Variants in ADI1 observed in about 807,000 individuals in gnomAD.
The protein encoded by ADI1 is acireductone dioxygenase 1, also known as acireductone dioxygenase.
Under a neutral mutation model 18.7 loss-of-function variants are expected in ADI1, and 21 were observed. That is an observed-to-expected ratio of 1.13 (90% CI 0.80 to 1.62). ADI1 has a LOEUF of 1.62. Among genes scored for constraint, ADI1 ranks in the 40% most tolerant of loss-of-function variants. The probability of loss-of-function intolerance (pLI) is 0.00; values close to 1 mark genes in which losing one functional copy is unlikely to be tolerated. For missense variants in ADI1, 245 were observed against 254.9 expected (o/e 0.96, Z 0.26); for synonymous variants, 90 against 100.1 (o/e 0.90, Z 0.60).
At chr2:3,514,604 A>G (rs1000525016) in intron 1 of ADI1, among the ~76,000 whole-genome samples, 2 of 152,214 alleles carry the variant, frequency 1.3e-5, no homozygotes, top group African/African-American at 2.4e-5. Context: ...ACAGCTTTCT[A>G]TGCCTAAAAT....
chr2:3,503,954 G>C (rs1248896321), intron 2 of ADI1, among the ~76,000 whole-genome samples: 1 of 152,168 alleles, frequency 6.6e-6, no homozygotes, highest in Non-Finnish European at 1.5e-5. Context: ...CCCCGGGTGA[G>C]CGCCACTGCA....
intron 2 of ADI1, among the ~76,000 whole-genome samples, chr2:3,502,773 ATATTATTTTGAC>A (rs1667053924): frequency 6.6e-6 from 1 of 152,286 alleles, no homozygotes; most frequent in East Asian, 1.9e-4. Context: ...ACTCTTGAAC[ATATTATTTTGAC>A]TACATCCTCA....
chr2:3,517,970 T>C (rs1004262278), intron 1 of ADI1, among the ~76,000 whole-genome samples: 2 of 151,848 alleles, frequency 1.3e-5, no homozygotes, highest in African/African-American at 2.4e-5. Flanking sequence ...TCACTCTTGT[T>C]CTTGTTCTTA....
intron 2 of ADI1, among the ~76,000 whole-genome samples, chr2:3,504,635 T>A (rs186140453): frequency 6.6e-6 from 1 of 152,392 alleles, no homozygotes; most frequent in African/African-American, 2.4e-5. Context: ...TAAGCTCTTC[T>A]GCTCTTAGTT....
intron 2 of ADI1, among the ~76,000 whole-genome samples, chr2:3,507,623 T>C (rs1667202817): frequency 6.6e-6 from 1 of 152,162 alleles, no homozygotes; most frequent in African/African-American, 2.4e-5. Flanking sequence ...TTGTCGCCCG[T>C]AGACTGACCT....
At position 3,511,849 on chromosome 2, in the gene ADI1, T is replaced by C. The variant is rs147900802; in HGVS notation, c.240+2008A>G. On this transcript the variant is annotated intron_variant, in intron 2 of 3. Coordinates refer to ENST00000327435, the MANE Select transcript of ADI1 (RefSeq NM_018269.4). ...AGGCTAATGAGGTCTCAGATGGAAA[T>C]GAGGAATTTATCGGGAACTGGAACA... Among the ~76,000 whole-genome samples, 14 of 152,300 alleles carry C rather than the reference T, an allele frequency of 9.2e-5. No homozygotes were observed. In the East Asian group the frequency reaches 2.1e-3, roughly 23 times the overall value.
At chr2:3,511,281 C>A (rs1360234320) in intron 2 of ADI1, among the ~76,000 whole-genome samples, 2 of 152,048 alleles carry the variant, frequency 1.3e-5, no homozygotes, top group Non-Finnish European at 2.9e-5. Flanking sequence ...ATGGTGGTGC[C>A]AGGAAGCAGA....
intron 1 of ADI1, chr2:3,517,783 AAC>A (rs1667442545): frequency 6.6e-6 from 1 of 152,132 alleles, no homozygotes; most frequent in Non-Finnish European, 1.5e-5. Context: ...AGAATATAAA[AAC>A]ACACAGGACA....
chr2:3,512,788 C>G (rs1427927080), intron 2 of ADI1, among the ~76,000 whole-genome samples: 1 of 152,162 alleles, frequency 6.6e-6, no homozygotes, highest in African/African-American at 2.4e-5. Context: ...GGGGCACTGC[C>G]TAGGAGCTGT....
rs768555186 is a variant in ADI1, at chr2:3,519,492, C to T, written c.-5G>A. On this transcript the variant is annotated 5_prime_UTR_variant, in exon 1 of 4. Transcript: ENST00000327435. ...CATATACCAGGCCTGCACCATGACG[C>T]GCAGTGCGGGTGCCGTGTTCGAACC... 12 of 1,289,814 alleles carry T rather than the reference C, an allele frequency of 9.3e-6. No homozygotes were observed. In the South Asian group the frequency reaches 2.6e-4, roughly 28 times the overall value. 79.9% of individuals were successfully genotyped at this position (1,289,814 alleles called of 1,614,324 possible).
At chr2:3,519,247 G>A (rs962209392) in intron 1 of ADI1, 121 bp downstream of exon 1, 3 of 1,277,924 alleles carry the variant, frequency 2.3e-6, no homozygotes, top group African/African-American at 3.1e-5. Flanking sequence ...TCCCGCTGCT[G>A]AGCATGCGCA....
At position 3,519,491 on chromosome 2, in the gene ADI1, G is replaced by A; in HGVS notation, c.-4C>T. ...CCATATACCAGGCCTGCACCATGAC[G>A]CGCAGTGCGGGTGCCGTGTTCGAAC... On this transcript the variant is annotated 5_prime_UTR_variant, in exon 1 of 4. Transcript: ENST00000327435. 2 of 1,290,068 alleles carry A rather than the reference G, an allele frequency of 1.6e-6. No homozygotes were observed. The highest frequency in any genetic ancestry group is 9.8e-7 in the Non-Finnish European group (1 of 1,016,202). The allele number at this position is 1,290,068 out of a possible 1,614,324, so 79.9% of individuals were successfully genotyped here. A position where few individuals can be genotyped will look rare whatever the true frequency, so the allele number is the denominator to read the frequency against.
At position 3,500,993 on chromosome 2, in the gene ADI1, T is replaced by C; in HGVS notation, c.241A>G (p.Ile81Val). Residue 81 changes from isoleucine to valine, a missense_variant and splice_region_variant, in exon 3 of 4, where the codon ATT becomes GTT. By Grantham distance (29) the Ile-to-Val change is conservative. Transcript: ENST00000327435. ...AAATGCTCCTCGTAGAACATCTTAA[T>C]CTAGTGCAGAAGGAACATTCCTGTG... The part of the protein sequence containing the change: ...KDKLPNYEEK[I>V]KMFYEEHLHL... The C allele has an allele frequency of 1.9e-6, 3 of 1,597,996 alleles. No homozygotes were observed. The highest frequency in any genetic ancestry group is 2.6e-6 in the Non-Finnish European group (3 of 1,170,932).
intron 2 of ADI1, 24 bp from the exon 3 acceptor site, chr2:3,501,017 T>G: frequency 6.4e-7 from 1 of 1,560,902 alleles, no homozygotes; most frequent in Non-Finnish European, 8.7e-7. Context: ...AACATTCCTG[T>G]GAGTCTACCA....
At chr2:3,508,135 C>A (rs1232823461) in intron 2 of ADI1, among the ~76,000 whole-genome samples, 3 of 151,934 alleles carry the variant, frequency 2.0e-5, no homozygotes, top group Non-Finnish European at 4.4e-5. Flanking sequence ...GAGATCGAGA[C>A]CATCCTGGCT....
chr2:3,499,401 C>A (rs1399116099), intron 3 of ADI1, among the ~76,000 whole-genome samples: 1 of 152,198 alleles, frequency 6.6e-6, no homozygotes, highest in Admixed American at 6.5e-5. Context: ...ATGTACCCTC[C>A]ACCTCCTCTC....
At chr2:3,513,639 G>T (rs1667338888) in intron 2 of ADI1, among the ~76,000 whole-genome samples, 1 of 152,220 alleles carries the variant, frequency 6.6e-6, no homozygotes, top group East Asian at 1.9e-4. Flanking sequence ...CCCAGAAGCA[G>T]ATGGTGGTGA....
At chr2:3,519,151 C>T in intron 1 of ADI1, 1 of 553,920 alleles carries the variant, frequency 1.8e-6, no homozygotes, top group Non-Finnish European at 2.7e-6. Context: ...CACCCAGGCG[C>T]CGCGCAGGAG....
intron 2 of ADI1, among the ~76,000 whole-genome samples, chr2:3,502,001 CCACACACACACACACA>C (rs70938947): frequency 7.6e-5 from 8 of 105,044 alleles, no homozygotes; most frequent in Non-Finnish European, 1.4e-4. Context: ...ACCTCCCGCT[CCACACACACACACACA>C]CACACACACA....
Sources: gnomAD v4.1 joint callset for allele counts (sites outside exome capture counted in the v4.1 genomes callset) on GRCh38, gnomAD v4.1.1 for gene constraint, MANE v1.5 for transcripts, NCBI Gene and HGNC (gene_info 2026-07-23, HGNC 2026-07-21) for gene names.